Variants in TACR3 observed in about 807,000 individuals in gnomAD.
TACR3 encodes tachykinin receptor 3, also known as neuromedin-K receptor.
In TACR3, 34 loss-of-function variants were observed where a neutral mutation model predicts 35.0. The ratio of observed to expected loss-of-function variants is 0.97; its 90% CI spans 0.74 to 1.30. The LOEUF is 1.30. Among genes scored for constraint, TACR3 ranks in the 50% most tolerant of loss-of-function variants. The probability of loss-of-function intolerance (pLI) is 0.00; values close to 1 mark genes in which losing one functional copy is unlikely to be tolerated. For missense variants in TACR3, 558 were observed against 591.7 expected (o/e 0.94, Z 0.59); for synonymous variants, 233 against 221.1 (o/e 1.05, Z -0.48).
chr4:103,690,990 G>A (rs764548759), intron 1 of TACR3, among the ~76,000 whole-genome samples: 2 of 152,130 alleles, frequency 1.3e-5, no homozygotes, highest in Non-Finnish European at 2.9e-5. Context: ...ATCAATTGCT[G>A]GTTAGAATTT....
chr4:103,656,861 G>A (rs1725743143), intron 2 of TACR3, among the ~76,000 whole-genome samples: 1 of 152,012 alleles, frequency 6.6e-6, no homozygotes, highest in Non-Finnish European at 1.5e-5. Flanking sequence ...TAATCCACAA[G>A]TTACTACAAT....
chr4:103,636,175 T>C (rs77223960), intron 3 of TACR3, among the ~76,000 whole-genome samples: 16,134 of 151,994 alleles, frequency 0.11, 983 homozygotes, highest in South Asian at 0.2. Flanking sequence ...GGAGAATTTG[T>C]TAAGGGAGTT....
intron 3 of TACR3, among the ~76,000 whole-genome samples, chr4:103,652,422 C>T (rs547913523): frequency 3.9e-5 from 6 of 152,272 alleles, no homozygotes; most frequent in African/African-American, 1.4e-4. Context: ...AAGATTCTCT[C>T]TCCATGCCAC....
chr4:103,689,927 A>T (rs187945617), intron 1 of TACR3, among the ~76,000 whole-genome samples: 19 of 152,290 alleles, frequency 1.2e-4, no homozygotes, highest in Admixed American at 7.9e-4. Flanking sequence ...GAAAAAGTAA[A>T]CAACACAAAA....
intron 4 of TACR3, chr4:103,591,202 G>T: frequency 2.3e-6 from 1 of 442,272 alleles, no homozygotes; most frequent in South Asian, 2.7e-5. Flanking sequence ...CTTTTTCTTT[G>T]GCAGGTAAAA....
chr4:103,683,373 AG>A (rs888121046), intron 1 of TACR3, among the ~76,000 whole-genome samples: 29 of 151,404 alleles, frequency 1.9e-4, no homozygotes, highest in African/African-American at 6.8e-4. Flanking sequence ...AATCAATACA[AG>A]TCAAAGTGAA....
At chr4:103,682,755 G>C (rs1722128791) in intron 1 of TACR3, among the ~76,000 whole-genome samples, 1 of 152,112 alleles carries the variant, frequency 6.6e-6, no homozygotes, top group Admixed American at 6.6e-5. Context: ...ATAAGGTGCT[G>C]TCAAGATGTT....
intron 3 of TACR3, among the ~76,000 whole-genome samples, chr4:103,603,535 G>T (rs1031471943): frequency 6.6e-6 from 1 of 152,184 alleles, no homozygotes; most frequent in African/African-American, 2.4e-5. Context: ...GTATTCCATG[G>T]TGTATATGTG....
chr4:103,650,618 TTA>T, intron 3 of TACR3, among the ~76,000 whole-genome samples: 1 of 85,992 alleles, frequency 1.2e-5, no homozygotes, highest in African/African-American at 6.3e-5. Context: ...TATAAATATA[TTA>T]TATATAAATA....
intron 3 of TACR3, among the ~76,000 whole-genome samples, chr4:103,615,191 C>T (rs1371812337): frequency 4.6e-5 from 7 of 152,082 alleles, no homozygotes; most frequent in African/African-American, 1.7e-4. Context: ...CCACCGCGCC[C>T]GTCCTATGAA....
intron 3 of TACR3, among the ~76,000 whole-genome samples, chr4:103,652,671 C>A (rs55729266): frequency 0.15 from 22,997 of 151,850 alleles, 1,805 homozygotes; most frequent in South Asian, 0.21. Context: ...CCCGTGTAGT[C>A]TCTTATTATT....
intron 3 of TACR3, among the ~76,000 whole-genome samples, chr4:103,629,499 GACAA>G (rs1163920447): frequency 2.0e-5 from 3 of 152,000 alleles, no homozygotes; most frequent in Non-Finnish European, 4.4e-5. Flanking sequence ...ACCAATAGCA[GACAA>G]ACAGAGATCC....
chr4:103,643,654 T>C (rs895587185), intron 3 of TACR3, among the ~76,000 whole-genome samples: 18 of 151,850 alleles, frequency 1.2e-4, no homozygotes, highest in Non-Finnish European at 2.2e-4. Flanking sequence ...CCAGGATTTT[T>C]GTGAGGATGA....
chr4:103,590,089 C>A (rs753468220), intron 4 of TACR3, 95 bp from the exon 5 acceptor site: 30 of 1,486,112 alleles, frequency 2.0e-5, no homozygotes, highest in Non-Finnish European at 2.7e-5. Flanking sequence ...GCAGTTATAA[C>A]AACTCAGTTT....
intron 3 of TACR3, 125 bp downstream of exon 3, chr4:103,656,065 AAAAC>A: frequency 8.3e-7 from 1 of 1,200,544 alleles, no homozygotes; most frequent in Non-Finnish European, 1.2e-6. Context: ...AAAAAAAATT[AAAAC>A]AAAGACATTA....
intron 3 of TACR3, among the ~76,000 whole-genome samples, chr4:103,634,919 C>G (rs895369952): frequency 1.3e-5 from 2 of 152,008 alleles, no homozygotes; most frequent in Non-Finnish European, 2.9e-5. Context: ...CCTTTTCTAT[C>G]TAATCCAGAG....
chr4:103,620,720 G>C (rs889576438), intron 3 of TACR3, among the ~76,000 whole-genome samples: 8 of 151,274 alleles, frequency 5.3e-5, no homozygotes, highest in African/African-American at 1.9e-4. Flanking sequence ...ATAAATATGG[G>C]AACAATACAC....
chr4:103,598,737 C>T (rs1724107314), intron 3 of TACR3, among the ~76,000 whole-genome samples: 1 of 152,148 alleles, frequency 6.6e-6, no homozygotes, highest in African/African-American at 2.4e-5. Context: ...TTGTTTTTGT[C>T]AGGTTTGTCA....
At chr4:103,694,183 C>CA (rs766955272) in intron 1 of TACR3, among the ~76,000 whole-genome samples, 5 of 151,980 alleles carry the variant, frequency 3.3e-5, no homozygotes, top group Non-Finnish European at 7.4e-5. Flanking sequence ...TAAAACTCTA[C>CA]ATCCCTCCCT....
Sources: allele counts gnomAD v4.1 joint callset (sites outside exome capture counted in the v4.1 genomes callset), GRCh38; gene constraint gnomAD v4.1.1; transcripts MANE v1.5; gene names NCBI Gene and HGNC (gene_info 2026-07-23, HGNC 2026-07-21).